The following TACR1 variants were observed in gnomAD, a reference collection of about 807,000 sequenced individuals.
TACR1 encodes substance-P receptor.
A neutral mutation model predicts 35.8 loss-of-function variants in TACR1; 25 were observed. The observed-to-expected ratio is 0.70, with a 90% confidence interval of 0.51 to 0.98. TACR1 has a LOEUF of 0.98. Ranked by LOEUF, TACR1 falls within the 50% of genes least tolerant of loss-of-function variation. The pLI is 0.00. For synonymous variants in TACR1, 195 were observed against 206.7 expected (o/e 0.94, Z 0.48); for missense variants, 478 against 522.9 (o/e 0.91, Z 0.84).
chr2:75,128,892 G>A (rs887505272), intron 1 of TACR1, among the ~76,000 whole-genome samples: 14 of 152,130 alleles, frequency 9.2e-5, no homozygotes, highest in Non-Finnish European at 2.1e-4. Flanking sequence ...GACACACACA[G>A]CAATAGCTAT....
chr2:75,090,153 C>T (rs569159559), intron 2 of TACR1, among the ~76,000 whole-genome samples: 4 of 152,316 alleles, frequency 2.6e-5, no homozygotes, highest in African/African-American at 7.2e-5. Context: ...GCTGTGCCCT[C>T]CCCTGAATGT....
rs1329179752 is a variant in TACR1 at position 75,047,368 on chromosome 2, A to G, written c.*2064T>C. On this transcript the variant is annotated 3_prime_UTR_variant, in exon 5 of 5. Coordinates refer to ENST00000305249, the MANE Select transcript of TACR1 (RefSeq NM_001058.4). The stretch of plus-strand genomic sequence containing the variant: ...TTAGACTCACTAGGACTGGTGAGTT[A>G]GTTAGTGATGGCCAATAAGGTAGGC... 2 of 152,246 alleles carry G rather than the reference A, an allele frequency of 1.3e-5. No individual in the cohort carries two copies. The allele number at this position is 152,246 out of a possible 1,614,324, so 9.4% of individuals were successfully genotyped here.
At chr2:75,115,602 T>C (rs1451176624) in intron 2 of TACR1, among the ~76,000 whole-genome samples, 4 of 151,862 alleles carry the variant, frequency 2.6e-5, no homozygotes, top group African/African-American at 9.7e-5. Flanking sequence ...AAAAGCAGAA[T>C]ACTAAAAAAA....
At chr2:75,197,474 G>A (rs1278503818) in intron 1 of TACR1, among the ~76,000 whole-genome samples, 1 of 152,170 alleles carries the variant, frequency 6.6e-6, no homozygotes. Context: ...CACAGTGGTA[G>A]GTGTTTTAAG....
chr2:75,113,304 G>A (rs1673786233), intron 2 of TACR1, among the ~76,000 whole-genome samples: 1 of 152,134 alleles, frequency 6.6e-6, no homozygotes, highest in African/African-American at 2.4e-5. Context: ...GCACCCCAAA[G>A]GAGTCCTAAA....
intron 1 of TACR1, among the ~76,000 whole-genome samples, chr2:75,131,651 A>T (rs1168560819): frequency 6.6e-6 from 1 of 152,232 alleles, no homozygotes; most frequent in Admixed American, 6.5e-5. Context: ...GTGGTATCTT[A>T]CTAATTGAAA....
chr2:75,082,118 T>C (rs889054692), intron 2 of TACR1, among the ~76,000 whole-genome samples: 2 of 152,106 alleles, frequency 1.3e-5, no homozygotes, highest in African/African-American at 4.8e-5. Flanking sequence ...TCCCTTCCTG[T>C]GTCCAAGTGT....
chr2:75,137,736 A>G (rs1674327045), intron 1 of TACR1, among the ~76,000 whole-genome samples: 1 of 142,230 alleles, frequency 7.0e-6, no homozygotes, highest in Non-Finnish European at 1.6e-5. Context: ...CTCAAAAAAA[A>G]AAAAAAAAAA....
chr2:75,159,378 T>C (rs1572967363), intron 1 of TACR1, among the ~76,000 whole-genome samples: 1 of 152,274 alleles, frequency 6.6e-6, no homozygotes, highest in East Asian at 1.9e-4. Flanking sequence ...TATTTAAAAA[T>C]CTAATAAATT....
At chr2:75,094,861 T>TA (rs1558551241) in intron 2 of TACR1, among the ~76,000 whole-genome samples, 180 of 60,708 alleles carry the variant, frequency 3.0e-3, no homozygotes, top group South Asian at 5.4e-3. Flanking sequence ...ATATATATAT[T>TA]TTTTTTTTTT....
At chr2:75,105,248 G>A (rs778862386) in intron 2 of TACR1, among the ~76,000 whole-genome samples, 4 of 152,070 alleles carry the variant, frequency 2.6e-5, no homozygotes, top group Non-Finnish European at 4.4e-5. Context: ...GATGAACCCA[G>A]AGGACATTAT....
At chr2:75,136,314 G>A (rs1674289432) in intron 1 of TACR1, among the ~76,000 whole-genome samples, 1 of 152,210 alleles carries the variant, frequency 6.6e-6, no homozygotes, top group African/African-American at 2.4e-5. Flanking sequence ...TCAGCTCACA[G>A]CAGAGGACGT....
chr2:75,086,039 AAGAGCTCT>A (rs1673182360), intron 2 of TACR1, among the ~76,000 whole-genome samples: 1 of 152,218 alleles, frequency 6.6e-6, no homozygotes, highest in Admixed American at 6.5e-5. Context: ...CCCAGAGATC[AAGAGCTCT>A]TCAGTTAAAC....
chr2:75,178,906 A>G (rs1361899663), intron 1 of TACR1, among the ~76,000 whole-genome samples: 1 of 152,228 alleles, frequency 6.6e-6, no homozygotes, highest in African/African-American at 2.4e-5. Context: ...GCCAGGGCTC[A>G]GGCAGGGAAA....
intron 2 of TACR1, among the ~76,000 whole-genome samples, chr2:75,115,866 C>A (rs1673845080): frequency 7.4e-6 from 1 of 134,244 alleles, no homozygotes; most frequent in Non-Finnish European, 1.5e-5. Flanking sequence ...GAGATCGCGC[C>A]ACTGCACTCC....
intron 1 of TACR1, among the ~76,000 whole-genome samples, chr2:75,165,698 TA>T (rs368936673): frequency 6.6e-6 from 1 of 152,288 alleles, no homozygotes; most frequent in East Asian, 1.9e-4. Context: ...TGAGTTCTCA[TA>T]AAATATGGTG....
intron 1 of TACR1, among the ~76,000 whole-genome samples, chr2:75,128,354 C>T (rs3771825): frequency 0.21 from 32,065 of 152,134 alleles, 4,749 homozygotes; most frequent in East Asian, 0.45. Context: ...ATAGAAGGTG[C>T]CCCCTAAGCA....
At chr2:75,183,729 A>G (rs1675616404) in intron 1 of TACR1, among the ~76,000 whole-genome samples, 1 of 152,054 alleles carries the variant, frequency 6.6e-6, no homozygotes, top group South Asian at 2.1e-4. Flanking sequence ...CGTTTATATC[A>G]TTTTCTGGTA....
At chr2:75,094,405 A>AG (rs933130109) in intron 2 of TACR1, among the ~76,000 whole-genome samples, 9 of 152,080 alleles carry the variant, frequency 5.9e-5, no homozygotes, top group Admixed American at 5.9e-4. Context: ...TATCACTAGG[A>AG]GGGGTATTCA....
Sources: allele counts gnomAD v4.1 joint callset (sites outside exome capture counted in the v4.1 genomes callset), GRCh38; gene constraint gnomAD v4.1.1; transcripts MANE v1.5; gene names NCBI Gene and HGNC (gene_info 2026-07-23, HGNC 2026-07-21).